C8orf34: variants seen among roughly 807,000 people sequenced by gnomAD.
C8orf34 encodes the protein chromosome 8 open reading frame 34.
Under a neutral mutation model 68.3 loss-of-function variants are expected in C8orf34, and 65 were observed. The observed-to-expected ratio is 0.95, with a 90% CI of 0.78 to 1.17. C8orf34 has a LOEUF of 1.17. C8orf34 is among the 50% of genes most tolerant of loss of function. The probability of loss-of-function intolerance (pLI) is 0.00; values close to 1 mark genes in which losing one functional copy is unlikely to be tolerated. For synonymous variants in C8orf34, 244 were observed against 241.2 expected (o/e 1.01, Z -0.11); for missense variants, 664 against 655.4 (o/e 1.01, Z -0.14).
chr8:68,703,416 C>A (rs1821075283), intron 8 of C8orf34, among the ~76,000 whole-genome samples: 2 of 151,966 alleles, frequency 1.3e-5, no homozygotes, highest in Admixed American at 1.3e-4. Context: ...CACTTGTATC[C>A]CACTTCAAAT....
intron 9 of C8orf34, among the ~76,000 whole-genome samples, chr8:68,713,999 A>AT (rs1470939064): frequency 6.6e-6 from 1 of 152,190 alleles, no homozygotes; most frequent in Non-Finnish European, 1.5e-5. Context: ...ATGCAAGTCA[A>AT]TAAATATAGC....
rs552349082 is a variant in C8orf34 at position 68,391,024 on chromosome 8, AC to A, written c.328-48473del. 7.0e-4 allele frequency among the ~76,000 whole-genome samples: 107 copies of A among 152,284 alleles called. 1 individual carries two copies. Among genetic ancestry groups the A allele is most frequent in the African/African-American group, 2.3e-3 (94 of 41,584 alleles). On this transcript the variant is annotated intron_variant, in intron 1 of 13. Coordinates refer to ENST00000518698, the MANE Select transcript of C8orf34 (RefSeq NM_052958.4). ...TAAAGTCAACTGATTGTAGTTGTTA[AC>A]CATAGCTACAAAATGTCTTTAGCAA...
chr8:68,482,818 G>A (rs1412370926), intron 4 of C8orf34, among the ~76,000 whole-genome samples: 5 of 152,206 alleles, frequency 3.3e-5, no homozygotes, highest in African/African-American at 9.7e-5. Flanking sequence ...GGGAAGGAAT[G>A]TGGGGAGTTG....
At position 68,721,729 on chromosome 8, in the gene C8orf34, A is replaced by G. The variant is rs544352896; in HGVS notation, c.1404+292A>G. 4.3e-4 allele frequency among the ~76,000 whole-genome samples: 66 copies of G among 152,136 alleles called. No individual in the cohort carries two copies. In the Middle Eastern group the frequency reaches 0.01, roughly 24 times the overall value. On this transcript the variant is annotated intron_variant, in intron 10 of 13. Coordinates refer to ENST00000518698, the MANE Select transcript of C8orf34 (RefSeq NM_052958.4). The stretch of plus-strand genomic sequence containing the variant: ...TGGTAGTAAAACAAATATTTTGCAT[A>G]TCCTGAAAGTTTATATGTGACTTAT...
intron 1 of C8orf34, among the ~76,000 whole-genome samples, chr8:68,389,830 T>C (rs1216557830): frequency 6.6e-6 from 1 of 152,188 alleles, no homozygotes; most frequent in Non-Finnish European, 1.5e-5. Context: ...GAGAAATATA[T>C]TTGCTTTTCA....
chr8:68,447,859 A>G (rs1015615369), intron 3 of C8orf34: 7 of 152,224 alleles, frequency 4.6e-5, no homozygotes, highest in African/African-American at 1.7e-4. Context: ...AGTTTGGTAT[A>G]TAGAATTAGG....
chr8:68,449,974 G>C (rs756082855), intron 3 of C8orf34, among the ~76,000 whole-genome samples: 1 of 152,144 alleles, frequency 6.6e-6, no homozygotes, highest in African/African-American at 2.4e-5. Context: ...CAGAATTGGA[G>C]TCAATCCTCT....
chr8:68,690,767 G>T (rs56405329), intron 8 of C8orf34, among the ~76,000 whole-genome samples: 9,932 of 152,076 alleles, frequency 0.065, 437 homozygotes, highest in African/African-American at 0.12. Context: ...ATTAGGAAAT[G>T]AAGACTCAAA....
chr8:68,787,361 A>T, intron 11 of C8orf34, 82 bp from the exon 12 acceptor site: 1 of 847,346 alleles, frequency 1.2e-6, no homozygotes, highest in Non-Finnish European at 1.8e-6. Flanking sequence ...GATGCAGTTC[A>T]TAAAGATTGA....
intron 1 of C8orf34, among the ~76,000 whole-genome samples, chr8:68,381,738 CAAAAAAAA>C (rs769290635): frequency 1.4e-5 from 1 of 72,070 alleles, no homozygotes; most frequent in Non-Finnish European, 2.4e-5. Context: ...GACTCCGTCT[CAAAAAAAA>C]AAAAAAAAAA....
In C8orf34 at chr8:68,787,005, A is replaced by G. The variant is rs544500841; in HGVS notation, c.1456-438A>G. ...ACTTTAGAAAGTGAGAAGAGGAAGGAGGCAGTGAAGTAATACTAGGAGAGT... is the reference window on the plus strand; with the variant it reads ...ACTTTAGAAAGTGAGAAGAGGAAGGGGGCAGTGAAGTAATACTAGGAGAGT... On this transcript the variant is annotated intron_variant, in intron 11 of 13. Coordinates refer to ENST00000518698, the MANE Select transcript of C8orf34 (RefSeq NM_052958.4). Among the ~76,000 whole-genome samples, 17 of 152,260 alleles carry G rather than the reference A, an allele frequency of 1.1e-4. 1 individual carries two copies. The highest frequency in any genetic ancestry group is 4.1e-4 in the African/African-American group (17 of 41,544).
intron 8 of C8orf34, among the ~76,000 whole-genome samples, chr8:68,699,720 T>C (rs538406335): frequency 3.3e-5 from 5 of 152,250 alleles, no homozygotes; most frequent in African/African-American, 1.2e-4. Context: ...AAGTGTTCTT[T>C]CTCTAGATTT....
chr8:68,657,527 G>A (rs1472429406), intron 8 of C8orf34, among the ~76,000 whole-genome samples: 1 of 152,166 alleles, frequency 6.6e-6, no homozygotes, highest in Non-Finnish European at 1.5e-5. Context: ...AATTTCTGTT[G>A]TTGATAAATT....
intron 7 of C8orf34, among the ~76,000 whole-genome samples, chr8:68,631,724 G>A (rs528966072): frequency 6.6e-6 from 1 of 152,246 alleles, no homozygotes; most frequent in Middle Eastern, 3.4e-3. Context: ...CTGTTCTCCT[G>A]ATAGTGAGGG....
chr8:68,700,769 G>A (rs1022393081), intron 8 of C8orf34, among the ~76,000 whole-genome samples: 18 of 152,088 alleles, frequency 1.2e-4, no homozygotes, highest in African/African-American at 4.3e-4. Context: ...GTTGGTGACA[G>A]TTTTGACTTT....
intron 6 of C8orf34, among the ~76,000 whole-genome samples, chr8:68,531,098 C>T (rs1815225304): frequency 6.6e-6 from 1 of 151,988 alleles, no homozygotes; most frequent in Non-Finnish European, 1.5e-5. Flanking sequence ...AAATAAATTA[C>T]AGATTTTATA....
intron 1 of C8orf34, among the ~76,000 whole-genome samples, chr8:68,416,378 C>G (rs1809665854): frequency 6.6e-6 from 1 of 152,114 alleles, no homozygotes; most frequent in African/African-American, 2.4e-5. Context: ...CTTTCTAGAA[C>G]AGAGATTTTT....
chr8:68,724,024 G>T (rs1314527896), intron 10 of C8orf34, among the ~76,000 whole-genome samples: 1 of 151,972 alleles, frequency 6.6e-6, no homozygotes, highest in Admixed American at 6.6e-5. Flanking sequence ...AATCTTTTTG[G>T]AATTAAGTGG....
chr8:68,532,927 T>C (rs988132399), intron 6 of C8orf34, 56 bp from the exon 7 acceptor site: 1 of 1,272,806 alleles, frequency 7.9e-7, no homozygotes, highest in Admixed American at 2.3e-5. Flanking sequence ...AATGGAAATT[T>C]ATTTGTAGAT....
Sources: allele counts gnomAD v4.1 joint callset (sites outside exome capture counted in the v4.1 genomes callset), GRCh38; gene constraint gnomAD v4.1.1; transcripts MANE v1.5; gene names NCBI Gene and HGNC (gene_info 2026-07-23, HGNC 2026-07-21).